Variants in MLLT3 observed in about 807,000 individuals in gnomAD.
MLLT3 encodes the protein MLLT3 super elongation complex subunit, also known as protein AF-9.
In MLLT3, 4 loss-of-function variants were observed where a neutral mutation model predicts 53.2. The ratio of observed to expected loss-of-function variants is 0.08; its 90% CI spans 0.04 to 0.17. The LOEUF (loss-of-function observed/expected upper bound fraction) is 0.17. MLLT3 is among the 10% of genes least tolerant of loss of function. MLLT3 has a pLI of 1.00. For missense variants in MLLT3, 569 were observed against 684.0 expected, an observed-to-expected ratio of 0.83 and a Z score of 1.87; for synonymous variants, 283 against 230.6, an observed-to-expected ratio of 1.23 and a Z score of -2.06.
At chr9:20,408,856 A>G (rs1460246221) in intron 5 of MLLT3, among the ~76,000 whole-genome samples, 2 of 152,148 alleles carry the variant, frequency 1.3e-5, no homozygotes, top group African/African-American at 4.8e-5. Flanking sequence ...ATGAGAAACA[A>G]CAAAAGAAGG....
At chr9:20,479,576 T>C (rs1007540058) in intron 2 of MLLT3, among the ~76,000 whole-genome samples, 10 of 152,186 alleles carry the variant, frequency 6.6e-5, no homozygotes, top group Non-Finnish European at 1.3e-4. Context: ...TTGGGTACTA[T>C]GGTTTCTAGT....
Position 20,344,634 on chromosome 9 carries a change from G to A in MLLT3, c.*1809C>T, listed in dbSNP as rs1404210229. ...ACTTGTCCTCTGGGAGGACGCTTCA[G>A]AGAAATAATTTACAAGGAGCATGGC... On this transcript the variant is annotated 3_prime_UTR_variant, in exon 11 of 11. Coordinates refer to ENST00000380338, the MANE Select transcript of MLLT3 (RefSeq NM_004529.4). 1 of 209,270 alleles carries A rather than the reference G, an allele frequency of 4.8e-6. No homozygotes were observed. The highest frequency in any genetic ancestry group is 9.7e-6 in the Non-Finnish European group (1 of 102,860). The allele number at this position is 209,270 out of a possible 1,614,324, so 13.0% of individuals were successfully genotyped here.
At position 20,445,556 on chromosome 9, in the gene MLLT3, A is replaced by T. The variant is rs186315259; in HGVS notation, c.420+2567T>A. 2.6e-5 allele frequency among the ~76,000 whole-genome samples: 4 copies of T among 152,302 alleles called. No homozygotes were observed. In the East Asian group the frequency reaches 7.7e-4, roughly 29 times the overall value. The stretch of plus-strand genomic sequence containing the variant: ...GGAATTATTTTCTTCTAAGAGCTGA[A>T]AAACATTTTTTCCAAGATGCTCCCA... On this transcript the variant is annotated intron_variant, in intron 4 of 10. Coordinates refer to ENST00000380338, the MANE Select transcript of MLLT3 (RefSeq NM_004529.4).
Position 20,376,562 on chromosome 9 carries a change from G to A in MLLT3, c.1126-10818C>T, listed in dbSNP as rs540310894. On this transcript the variant is annotated intron_variant, in intron 5 of 10. Transcript: ENST00000380338. Reference sequence around the variant, plus strand: ...ATTACCTTTACTATTATTATTAAATGCTGTCATTTGGACTTATCACTACTT... The same window carrying A: ...ATTACCTTTACTATTATTATTAAATACTGTCATTTGGACTTATCACTACTT... 3.3e-5 allele frequency among the ~76,000 whole-genome samples: 5 copies of A among 152,144 alleles called. No individual in the cohort carries two copies. In the South Asian group the frequency reaches 1.0e-3, roughly 32 times the overall value.
chr9:20,411,166 G>C (rs963590806), intron 5 of MLLT3: 7 of 152,536 alleles, frequency 4.6e-5, no homozygotes, highest in African/African-American at 1.7e-4. Flanking sequence ...GGGGATACTT[G>C]TAACGGAGAG....
chr9:20,591,581 T>G (rs968973318), intron 2 of MLLT3, among the ~76,000 whole-genome samples: 1 of 152,138 alleles, frequency 6.6e-6, no homozygotes, highest in Non-Finnish European at 1.5e-5. Context: ...GGGAACAACT[T>G]AGGCAGAGTT....
intron 4 of MLLT3, among the ~76,000 whole-genome samples, chr9:20,439,266 G>C (rs1823486655): frequency 6.6e-6 from 1 of 152,040 alleles, no homozygotes; most frequent in African/African-American, 2.4e-5. Context: ...TGAGGCAGGA[G>C]AATCCCTTGA....
At chr9:20,590,894 C>T (rs977450509) in intron 2 of MLLT3, among the ~76,000 whole-genome samples, 1 of 144,854 alleles carries the variant, frequency 6.9e-6, no homozygotes, top group Non-Finnish European at 1.5e-5. Flanking sequence ...CATGCATCAC[C>T]ATACTTAGCT....
intron 2 of MLLT3, among the ~76,000 whole-genome samples, chr9:20,474,450 T>C (rs1365014858): frequency 6.6e-6 from 1 of 152,114 alleles, no homozygotes; most frequent in Admixed American, 6.6e-5. Context: ...AAGGTATTGC[T>C]GTTAATATAA....
chr9:20,572,935 G>A (rs13288904), intron 2 of MLLT3, among the ~76,000 whole-genome samples: 17,434 of 152,152 alleles, frequency 0.11, 1,224 homozygotes, highest in East Asian at 0.22. Context: ...GCTCAAAGAT[G>A]TGTTTTCTCC....
chr9:20,615,386 A>AAC (rs1820806958), intron 2 of MLLT3, among the ~76,000 whole-genome samples: 1 of 115,954 alleles, frequency 8.6e-6, no homozygotes, highest in Non-Finnish European at 1.8e-5. Context: ...AAAAAAAAAA[A>AAC]AAAAAAAAAA....
At chr9:20,446,824 A>G (rs578261037) in intron 4 of MLLT3, among the ~76,000 whole-genome samples, 6 of 152,334 alleles carry the variant, frequency 3.9e-5, no homozygotes, top group African/African-American at 1.2e-4. Context: ...TAATTTTAAA[A>G]TAAGTTGTGT....
chr9:20,585,370 C>A (rs73648232), intron 2 of MLLT3, among the ~76,000 whole-genome samples: 5,099 of 152,234 alleles, frequency 0.033, 280 homozygotes, highest in African/African-American at 0.12. Context: ...TTAACCTCCA[C>A]AAAGGCTCTA....
chr9:20,509,866 A>AT (rs781686084), intron 2 of MLLT3, among the ~76,000 whole-genome samples: 21 of 135,568 alleles, frequency 1.5e-4, no homozygotes, highest in Non-Finnish European at 1.8e-4. Context: ...TCAGGGTACA[A>AT]TTATTATTTT....
intron 5 of MLLT3, among the ~76,000 whole-genome samples, chr9:20,393,397 A>T (rs1822237610): frequency 6.6e-6 from 1 of 152,162 alleles, no homozygotes; most frequent in African/African-American, 2.4e-5. Context: ...TACTCATAGA[A>T]GATTATGCTC....
At position 20,442,556 on chromosome 9, in the gene MLLT3, C is replaced by G. The variant is rs182850339; in HGVS notation, c.420+5567G>C. Reference sequence around the variant, plus strand: ...ATACAGTTGAGAAATTAGAAGTGTTCTCAACTCCCCTACAAAGGAAACACT... The same window carrying G: ...ATACAGTTGAGAAATTAGAAGTGTTGTCAACTCCCCTACAAAGGAAACACT... On this transcript the variant is annotated intron_variant, in intron 4 of 10. Transcript: ENST00000380338. Among the ~76,000 whole-genome samples, 28 of 152,202 alleles carry G rather than the reference C, an allele frequency of 1.8e-4. No individual in the cohort carries two copies. The East Asian group carries it at 4.4e-3, about 24-fold the overall frequency.
At chr9:20,614,791 A>C (rs2131212280) in intron 2 of MLLT3, among the ~76,000 whole-genome samples, 1 of 152,304 alleles carries the variant, frequency 6.6e-6, no homozygotes, top group South Asian at 2.1e-4. Flanking sequence ...GAACTGTAAA[A>C]GTGATGTTAT....
At chr9:20,591,169 T>A (rs7046522) in intron 2 of MLLT3, among the ~76,000 whole-genome samples, 3 of 151,966 alleles carry the variant, frequency 2.0e-5, no homozygotes, top group Admixed American at 6.5e-5. Flanking sequence ...TTGAATCTAG[T>A]TTTATTGTTC....
intron 5 of MLLT3, among the ~76,000 whole-genome samples, chr9:20,408,558 A>G (rs1822644789): frequency 6.6e-6 from 1 of 152,204 alleles, no homozygotes; most frequent in Non-Finnish European, 1.5e-5. Flanking sequence ...AAACACAGAA[A>G]ACAGGAGCCT....
Sources: gnomAD v4.1 joint callset for allele counts (sites outside exome capture counted in the v4.1 genomes callset) on GRCh38, gnomAD v4.1.1 for gene constraint, MANE v1.5 for transcripts, NCBI Gene and HGNC (gene_info 2026-07-23, HGNC 2026-07-21) for gene names.